LCORL: variants seen among roughly 807,000 people sequenced by gnomAD.
LCORL encodes the protein ligand dependent nuclear receptor corepressor like.
Under a neutral mutation model 141.8 loss-of-function variants are expected in LCORL, and 41 were observed. The observed-to-expected ratio is 0.29, with a 90% CI of 0.23 to 0.38. The LOEUF is 0.38. Ranked by LOEUF, LCORL falls within the 10% of genes least tolerant of loss-of-function variation. The probability of loss-of-function intolerance (pLI) is 1.00; values close to 1 mark genes in which losing one functional copy is unlikely to be tolerated. For missense variants in LCORL, 1,759 were observed against 2,035.0 expected, an observed-to-expected ratio of 0.86 and a Z score of 2.61; for synonymous variants, 618 against 694.1, an observed-to-expected ratio of 0.89 and a Z score of 1.72.
chr4:17,855,698 AGT>A (rs1307683298), intron 7 of LCORL, among the ~76,000 whole-genome samples: 1 of 152,224 alleles, frequency 6.6e-6, no homozygotes, highest in Admixed American at 6.5e-5. Flanking sequence ...CTGCTGAGTT[AGT>A]GTGAGGGACA....
At chr4:17,954,207 G>A (rs373079243) in intron 4 of LCORL, among the ~76,000 whole-genome samples, 3 of 151,994 alleles carry the variant, frequency 2.0e-5, no homozygotes, top group Non-Finnish European at 4.4e-5. Context: ...AAACGTGAAA[G>A]AGTGACTGAG....
intron 1 of LCORL, among the ~76,000 whole-genome samples, chr4:17,998,841 G>A (rs1315929761): frequency 2.7e-5 from 4 of 149,964 alleles, no homozygotes; most frequent in East Asian, 2.0e-4. Context: ...TGTGCACATC[G>A]GGAAACTTAG....
At chr4:17,875,181 C>T in exon 7 of LCORL, 1 of 1,232,024 alleles carries the variant, frequency 8.1e-7, no homozygotes, top group Non-Finnish European at 1.0e-6. Flanking sequence ...ACTTACTTCT[C>T]TTTCCTGAGG....
chr4:17,961,093 T>C (rs535305592), intron 4 of LCORL, among the ~76,000 whole-genome samples: 38 of 152,202 alleles, frequency 2.5e-4, no homozygotes, highest in African/African-American at 9.1e-4. Context: ...AGGAGTAAAA[T>C]AGGGTCAACA....
intron 5 of LCORL, among the ~76,000 whole-genome samples, chr4:17,899,697 T>C (rs1312273931): frequency 6.6e-6 from 1 of 152,166 alleles, no homozygotes; most frequent in East Asian, 1.9e-4. Flanking sequence ...GTACGAAAGT[T>C]ATCTCTTTGG....
At chr4:17,927,148 T>C (rs952088784) in intron 4 of LCORL, among the ~76,000 whole-genome samples, 8 of 152,214 alleles carry the variant, frequency 5.3e-5, no homozygotes, top group African/African-American at 1.9e-4. Flanking sequence ...TGCTTCACCT[T>C]GCAGTTTCAT....
chr4:17,883,996 G>A, intron 6 of LCORL: 1 of 1,550,780 alleles, frequency 6.4e-7, no homozygotes, highest in Non-Finnish European at 8.7e-7. Context: ...GCTGCTTACT[G>A]TCTTTTCGAT....
chr4:17,969,227 T>C (rs184616399), intron 2 of LCORL, among the ~76,000 whole-genome samples: 232 of 152,300 alleles, frequency 1.5e-3, no homozygotes, highest in African/African-American at 5.1e-3. Flanking sequence ...AGTACACCAA[T>C]GTGTGAAGTT....
intron 5 of LCORL, among the ~76,000 whole-genome samples, chr4:17,900,752 A>C (rs1730734092): frequency 6.6e-6 from 1 of 152,176 alleles, no homozygotes; most frequent in Non-Finnish European, 1.5e-5. Context: ...AGAAACAAAG[A>C]GATGGAAAAT....
At chr4:17,952,485 G>A (rs34708467) in intron 4 of LCORL, among the ~76,000 whole-genome samples, 5 of 148,092 alleles carry the variant, frequency 3.4e-5, no homozygotes, top group African/African-American at 5.0e-5. Context: ...GCGCGATCTC[G>A]GCTCACTGCA....
At chr4:18,009,144 T>C (rs1723275214) in intron 1 of LCORL, among the ~76,000 whole-genome samples, 1 of 152,086 alleles carries the variant, frequency 6.6e-6, no homozygotes, top group African/African-American at 2.4e-5. Flanking sequence ...TATCTATATA[T>C]GATGAAAACC....
At chr4:18,003,077 T>C (rs1349292429) in intron 1 of LCORL, among the ~76,000 whole-genome samples, 1 of 152,240 alleles carries the variant, frequency 6.6e-6, no homozygotes, top group Non-Finnish European at 1.5e-5. Flanking sequence ...AGCCATGGTT[T>C]CTGCCACACT....
chr4:17,882,026 T>TA (rs1727640813), intron 6 of LCORL: 1 of 983,046 alleles, frequency 1.0e-6, no homozygotes, highest in African/African-American at 1.8e-5. Flanking sequence ...CAGGTAACAT[T>TA]AATAGCTGAA....
At chr4:17,982,891 C>CT (rs972434320) in intron 1 of LCORL, among the ~76,000 whole-genome samples, 4 of 151,964 alleles carry the variant, frequency 2.6e-5, no homozygotes, top group African/African-American at 4.8e-5. Flanking sequence ...GGTTTTTATA[C>CT]TTTTGGGTTT....
Position 17,884,164 on chromosome 4 carries a change from T to C in LCORL, c.776+1904A>G, listed in dbSNP as rs892735954. The C allele has an allele frequency of 1.4e-5, 22 of 1,550,552 alleles. No individual in the cohort carries two copies. Among genetic ancestry groups the C allele is most frequent in the Admixed American group, 3.9e-5 (2 of 50,866 alleles). The stretch of plus-strand genomic sequence containing the variant: ...TTTTGTTCTGTTTAGGGAGTATATT[T>C]TTCAGTTTTTGGAGAGCTGATCCTT... On this transcript the variant is annotated intron_variant, in intron 6 of 7. Coordinates refer to ENST00000635767, the Ensembl canonical transcript of LCORL. This position sits in a 1 kb window ranked among gnomAD's most constrained non-coding sequence, Gnocchi z 4.4.
chr4:17,856,875 A>G (rs1560256611), intron 7 of LCORL, among the ~76,000 whole-genome samples: 3 of 152,170 alleles, frequency 2.0e-5, no homozygotes, highest in Non-Finnish European at 2.9e-5. Flanking sequence ...CTCCCCCTAG[A>G]AACTCCTTTC....
intron 1 of LCORL, among the ~76,000 whole-genome samples, chr4:17,973,817 A>T (rs1716430759): frequency 6.6e-6 from 1 of 152,150 alleles, no homozygotes; most frequent in Non-Finnish European, 1.5e-5. Context: ...CTCCAAAATC[A>T]AGACTCATCT....
chr4:17,911,321 T>C (rs754570672), intron 4 of LCORL, among the ~76,000 whole-genome samples: 7 of 152,158 alleles, frequency 4.6e-5, no homozygotes, highest in Non-Finnish European at 5.9e-5. Flanking sequence ...TCAAAGTTCA[T>C]GGAAAACGCA....
At chr4:17,985,476 T>C (rs1044973534) in intron 1 of LCORL, among the ~76,000 whole-genome samples, 23 of 152,306 alleles carry the variant, frequency 1.5e-4, no homozygotes, top group African/African-American at 5.5e-4. Flanking sequence ...ATATCTAGAA[T>C]AGTTAGGTCT....
Sources: allele counts gnomAD v4.1 joint callset (sites outside exome capture counted in the v4.1 genomes callset), GRCh38; gene constraint gnomAD v4.1.1; non-coding constraint Gnocchi (gnomAD v3.1); transcripts MANE v1.5; gene names NCBI Gene and HGNC (gene_info 2026-07-23, HGNC 2026-07-21).